GPHN: variants seen among roughly 807,000 people sequenced by gnomAD.
GPHN encodes gephyrin.
GPHN carries 17 observed loss-of-function variants against 95.5 expected under a neutral mutation model. The ratio of observed to expected loss-of-function variants is 0.18; its 90% confidence interval spans 0.12 to 0.27. The LOEUF is 0.27. GPHN is among the 10% of genes least tolerant of loss of function. The pLI is 1.00. For synonymous variants in GPHN, 320 were observed against 322.5 expected (o/e 0.99, Z 0.08); for missense variants, 660 against 978.1 (o/e 0.67, Z 4.34).
chr14:67,566,148 G>C, the GPHN span, among the ~76,000 whole-genome samples: 1 of 152,094 alleles, frequency 6.6e-6, no homozygotes, highest in East Asian at 1.9e-4. Context: ...GGTTCGGGAG[G>C]CACACAGCCC....
chr14:67,008,553 T>G (rs1297965886), intron 9 of GPHN, among the ~76,000 whole-genome samples: 3 of 152,030 alleles, frequency 2.0e-5, no homozygotes, highest in Non-Finnish European at 1.5e-5. Context: ...ATTTATTTAT[T>G]TATTTATTTA....
chr14:67,574,455 G>A, the GPHN span: 3 of 1,395,428 alleles, frequency 2.1e-6, no homozygotes, highest in Non-Finnish European at 2.8e-6. The surrounding 1 kb of genome is among the most constrained non-coding windows in gnomAD (Gnocchi z 4.2). Flanking sequence ...CGAATCAGGG[G>A]AGCCAGGATT....
chr14:66,597,235 G>T (rs1389293995), intron 1 of GPHN, among the ~76,000 whole-genome samples: 3 of 152,122 alleles, frequency 2.0e-5, no homozygotes, highest in African/African-American at 7.2e-5. Context: ...CAAAACAAAG[G>T]GGTAAGGACA....
chr14:67,427,268 C>T, the GPHN span, among the ~76,000 whole-genome samples: 1 of 152,174 alleles, frequency 6.6e-6, no homozygotes, highest in Non-Finnish European at 1.5e-5. Context: ...CTGTTGTCGA[C>T]AATTTTAAGA....
At chr14:66,876,628 T>C (rs1454818658) in intron 4 of GPHN, among the ~76,000 whole-genome samples, 1 of 151,968 alleles carries the variant, frequency 6.6e-6, no homozygotes, top group Non-Finnish European at 1.5e-5. Context: ...TCTATGCAAA[T>C]AAACTAGAAA....
chr14:66,793,526 A>G (rs568941547), intron 3 of GPHN, among the ~76,000 whole-genome samples: 12 of 152,204 alleles, frequency 7.9e-5, no homozygotes, highest in Non-Finnish European at 1.8e-4. Context: ...GGTAATAATT[A>G]TAGCAATCTT....
At chr14:67,654,348 G>C in the GPHN span, among the ~76,000 whole-genome samples, 1 of 149,622 alleles carries the variant, frequency 6.7e-6, no homozygotes, top group Non-Finnish European at 1.5e-5. Context: ...TCGCTATGTT[G>C]CCCAGGCTGG....
chr14:66,900,496 C>G (rs2065073632), intron 5 of GPHN, among the ~76,000 whole-genome samples: 3 of 150,248 alleles, frequency 2.0e-5, no homozygotes, highest in African/African-American at 7.3e-5. Context: ...TTTCTTCTAT[C>G]AAACTTCATA....
At chr14:67,164,125 G>A (rs1040432681) in intron 19 of GPHN, among the ~76,000 whole-genome samples, 25 of 151,560 alleles carry the variant, frequency 1.6e-4, no homozygotes, top group African/African-American at 6.1e-4. Flanking sequence ...AAAATTAGCC[G>A]GGCGTGGTGG....
the GPHN span, among the ~76,000 whole-genome samples, chr14:67,425,729 C>G: frequency 0.57 from 87,055 of 151,636 alleles, 27,232 homozygotes; most frequent in African/African-American, 0.83. Flanking sequence ...AGCAACAACA[C>G]AGGGGAACTG....
the GPHN span, among the ~76,000 whole-genome samples, chr14:67,560,626 T>G: frequency 1.3e-5 from 2 of 152,026 alleles, no homozygotes; most frequent in African/African-American, 4.8e-5. Context: ...TTTAGGAAAC[T>G]CAGGACTTGA....
the GPHN span, among the ~76,000 whole-genome samples, chr14:67,322,174 C>G: frequency 6.6e-6 from 1 of 151,936 alleles, no homozygotes; most frequent in East Asian, 1.9e-4. Context: ...GGCAAAGCCC[C>G]ATCTCTACCA....
chr14:67,672,885 C>A, the GPHN span, among the ~76,000 whole-genome samples: 1 of 152,232 alleles, frequency 6.6e-6, no homozygotes. Context: ...CCCTGCTTAT[C>A]GCTCTCCTTT....
the GPHN span, among the ~76,000 whole-genome samples, chr14:67,284,423 A>C: frequency 4.9e-5 from 7 of 143,440 alleles, no homozygotes; most frequent in African/African-American, 8.0e-5. Flanking sequence ...CATAGACCCT[A>C]TCTCTTAAAA....
At chr14:67,177,227 T>G (rs2083033060) in intron 21 of GPHN, among the ~76,000 whole-genome samples, 1 of 152,226 alleles carries the variant, frequency 6.6e-6, no homozygotes, top group African/African-American at 2.4e-5. Context: ...TGCTATAAAT[T>G]TCCCTCTACA....
intron 9 of GPHN, among the ~76,000 whole-genome samples, chr14:66,965,623 T>G (rs2069270971): frequency 6.6e-6 from 1 of 152,190 alleles, no homozygotes; most frequent in Admixed American, 6.5e-5. Flanking sequence ...CTTAACATTA[T>G]AGATGTAAAG....
chr14:66,836,979 CT>C (rs1473584062), intron 4 of GPHN, among the ~76,000 whole-genome samples: 1 of 146,486 alleles, frequency 6.8e-6, no homozygotes, highest in Non-Finnish European at 1.5e-5. Flanking sequence ...AATAGGAACA[CT>C]TTTACACTGT....
intron 9 of GPHN, among the ~76,000 whole-genome samples, chr14:67,007,822 C>T (rs2072703844): frequency 6.6e-6 from 1 of 151,626 alleles, no homozygotes; most frequent in Non-Finnish European, 1.5e-5. Flanking sequence ...CTGGTAGCTG[C>T]AAATTAATGA....
the GPHN span, among the ~76,000 whole-genome samples, chr14:67,369,338 T>C: frequency 2.0e-5 from 3 of 152,238 alleles, no homozygotes; most frequent in African/African-American, 7.2e-5. Flanking sequence ...TCACTGTGTA[T>C]GTGCCTAATA....
Sources: allele counts gnomAD v4.1 joint callset (sites outside exome capture counted in the v4.1 genomes callset), GRCh38; gene constraint gnomAD v4.1.1; non-coding constraint Gnocchi (gnomAD v3.1); transcripts MANE v1.5; gene names NCBI Gene and HGNC (gene_info 2026-07-23, HGNC 2026-07-21).